ZNF860: variants seen among roughly 807,000 people sequenced by gnomAD.
ZNF860 encodes the protein zinc finger protein 860.
For synonymous variants in ZNF860, 206 were observed against 248.9 expected, an observed-to-expected ratio of 0.83 and a Z score of 1.62; for missense variants, 641 against 759.2, an observed-to-expected ratio of 0.84 and a Z score of 1.83.
intron 1 of ZNF860, among the ~76,000 whole-genome samples, chr3:31,986,969 T>C (rs1698942284): frequency 6.6e-6 from 1 of 152,190 alleles, no homozygotes; most frequent in East Asian, 1.9e-4. Context: ...ATTGTGCCAC[T>C]GTACTCCAGC....
rs1330505069 is a variant in ZNF860 at position 31,981,938 on chromosome 3, T to G, written c.-421+36T>G. The G allele has an allele frequency of 6.6e-6, 1 of 152,338 alleles. No homozygotes were observed. Among genetic ancestry groups the G allele is most frequent in the South Asian group, 2.1e-4 (1 of 4,824 alleles). 9.4% of individuals were successfully genotyped at this position (152,338 alleles called of 1,614,324 possible). A position where few individuals can be genotyped will look rare whatever the true frequency, so the allele number is the denominator to read the frequency against. ...CGGGCATTTTCATGCAGCAGGATTA[T>G]GATAAATGCTTAACAGACACACGGC... On this transcript the variant is annotated intron_variant, in intron 1 of 1. Coordinates refer to ENST00000360311, the MANE Select transcript of ZNF860 (RefSeq NM_001137674.3). The surrounding 1 kb of genome is among the most constrained non-coding windows in gnomAD (Gnocchi z 4.5).
intron 1 of ZNF860, among the ~76,000 whole-genome samples, 169 bp from the exon 2 acceptor site, chr3:31,988,491 C>T (rs911058008): frequency 2.6e-5 from 4 of 152,150 alleles, no homozygotes; most frequent in Non-Finnish European, 5.9e-5. Context: ...AACTTAATTC[C>T]TCCCCTCTTG....
intron 1 of ZNF860, among the ~76,000 whole-genome samples, chr3:31,988,447 G>A (rs1430476379): frequency 6.6e-6 from 1 of 152,190 alleles, no homozygotes; most frequent in Non-Finnish European, 1.5e-5. Flanking sequence ...TGATTTCAAA[G>A]CTATGCCTAT....
intron 1 of ZNF860, among the ~76,000 whole-genome samples, chr3:31,988,322 C>T (rs1698965391): frequency 6.6e-6 from 1 of 152,100 alleles, no homozygotes; most frequent in African/African-American, 2.4e-5. Context: ...AGATTGTGGA[C>T]TTGAAGCTAG....
downstream of ZNF860, among the ~76,000 whole-genome samples, chr3:31,992,880 G>A (rs1263230252): frequency 6.6e-6 from 1 of 152,180 alleles, no homozygotes; most frequent in Admixed American, 6.5e-5. Flanking sequence ...GCACATGCCT[G>A]TAGTCCTAGT....
At chr3:31,984,654 A>AT (rs1428294059) in intron 1 of ZNF860, among the ~76,000 whole-genome samples, 1 of 152,220 alleles carries the variant, frequency 6.6e-6, no homozygotes, top group Non-Finnish European at 1.5e-5. Context: ...GCAGATTATC[A>AT]TTTAACTATG....
In ZNF860 at chr3:31,989,210, C is replaced by G. The variant is rs373931545; in HGVS notation, c.131C>G (p.Thr44Arg). The change falls in exon 2 of 2, where the codon ACG becomes AGG. Residue 44 changes from threonine to arginine, a missense_variant. By Grantham distance (71) the Thr-to-Arg change is moderately conservative. Transcript: ENST00000360311. Reference sequence around the variant, plus strand: ...GAGGAGTGGAAATGCCTGGACCCTACGCAGAGGGCTTTATACAGGGCCATG... The same window carrying G: ...GAGGAGTGGAAATGCCTGGACCCTAGGCAGAGGGCTTTATACAGGGCCATG... Reference protein sequence around the residue: ...SLEEWKCLDPTQRALYRAMML... With the variant: ...SLEEWKCLDPRQRALYRAMML... 31 of 1,614,122 alleles carry G rather than the reference C, an allele frequency of 1.9e-5. No individual in the cohort carries two copies. The Middle Eastern group carries it at 9.9e-4, about 52-fold the overall frequency.
the ZNF860 span, among the ~76,000 whole-genome samples, chr3:31,998,044 C>T: frequency 3.3e-5 from 5 of 152,116 alleles, no homozygotes; most frequent in Non-Finnish European, 5.9e-5. Context: ...CCTCCCGCCT[C>T]GGCCTCCTGA....
Position 31,988,745 on chromosome 3 carries a change from G to C in ZNF860, c.-335G>C. ...AGGCAGGAGGCATGAAGGTGTGCCA[G>C]CCACTGTGTCAGTCACCTTATAAGC... On this transcript the variant is annotated 5_prime_UTR_variant, in exon 2 of 2. Transcript: ENST00000360311. The C allele has an allele frequency of 3.2e-6, 1 of 315,206 alleles. No homozygotes were observed. The allele number at this position is 315,206 out of a possible 1,614,324, so 19.5% of individuals were successfully genotyped here.
At chr3:31,982,392 A>G (rs1405521239) in intron 1 of ZNF860, among the ~76,000 whole-genome samples, 1 of 152,210 alleles carries the variant, frequency 6.6e-6, no homozygotes, top group Non-Finnish European at 1.5e-5. Context: ...AAGGTGATAG[A>G]TGATAGGTGA....
intron 1 of ZNF860, among the ~76,000 whole-genome samples, chr3:31,984,197 G>C (rs1698901670): frequency 6.6e-6 from 1 of 151,998 alleles, no homozygotes; most frequent in Admixed American, 6.6e-5. Context: ...CTGCCACCAT[G>C]CCCAGCTAAT....
chr3:31,997,124 T>C, the ZNF860 span, among the ~76,000 whole-genome samples: 1 of 152,220 alleles, frequency 6.6e-6, no homozygotes, highest in Non-Finnish European at 1.5e-5. Flanking sequence ...CATTATGCAG[T>C]AAATTATTTC....
chr3:31,989,805 C>A lies in ZNF860; in HGVS notation c.726C>A (p.Ser242Arg). 1.2e-6 allele frequency: 2 copies of A among 1,613,982 alleles called. No homozygotes were observed. The highest frequency in any genetic ancestry group is 1.7e-6 in the Non-Finnish European group (2 of 1,179,970). ...AGAGTGGCAAAGCCTTTAATTGTAG[C>A]TCACTCTTAAGGAAACATCAGATAA... ...CNESGKAFNC[S>R]SLLRKHQIIY... Residue 242 changes from serine (S) to arginine (R), a missense_variant, in exon 2 of 2, where the codon AGC (serine) becomes AGA (arginine). Coordinates refer to ENST00000360311, the MANE Select transcript of ZNF860 (RefSeq NM_001137674.3).
chr3:32,006,307 G>T, the ZNF860 span, among the ~76,000 whole-genome samples: 1 of 152,034 alleles, frequency 6.6e-6, no homozygotes, highest in Admixed American at 6.6e-5. Context: ...ATTTCCCCTT[G>T]AATACACTTT....
downstream of ZNF860, among the ~76,000 whole-genome samples, chr3:31,994,953 C>A (rs1344284141): frequency 5.3e-5 from 8 of 152,042 alleles, no homozygotes; most frequent in Non-Finnish European, 1.0e-4. Context: ...ATTGGTAGGA[C>A]CATGATGCCC....
In ZNF860 at chr3:31,988,820, T is replaced by C. The variant is rs1212370806; in HGVS notation, c.-260T>C. 9 of 524,828 alleles carry C rather than the reference T, an allele frequency of 1.7e-5. No individual in the cohort carries two copies. Among genetic ancestry groups the C allele is most frequent in the East Asian group, 3.2e-5 (1 of 31,574 alleles). 32.5% of individuals were successfully genotyped at this position (524,828 alleles called of 1,614,324 possible). On this transcript the variant is annotated 5_prime_UTR_variant, in exon 2 of 2. Coordinates refer to ENST00000360311, the MANE Select transcript of ZNF860 (RefSeq NM_001137674.3). ...CCATGTGAGTGACCTTGGAAGTAGG[T>C]TGTCACCAGTCAAGCCTTGAGATGA...
chr3:32,006,411 G>C, the ZNF860 span, among the ~76,000 whole-genome samples: 1 of 152,060 alleles, frequency 6.6e-6, no homozygotes, highest in Non-Finnish European at 1.5e-5. Context: ...TGTCATCTTT[G>C]TCTACTATAT....
chr3:31,993,498 G>A (rs571283277), downstream of ZNF860, among the ~76,000 whole-genome samples: 7 of 152,166 alleles, frequency 4.6e-5, no homozygotes, highest in South Asian at 4.2e-4. Flanking sequence ...ATGAGCCACC[G>A]CGCCCAGACA....
In ZNF860 at chr3:31,988,923, C is replaced by A; in HGVS notation, c.-157C>A. Reference sequence around the variant, plus strand: ...AACACCCAGCTGAAGTGCCTCCAAACCCCGACCCACAGCGACTGTGAGATA... The same window carrying A: ...AACACCCAGCTGAAGTGCCTCCAAAACCCGACCCACAGCGACTGTGAGATA... On this transcript the variant is annotated 5_prime_UTR_variant, in exon 2 of 2. Transcript: ENST00000360311. The A allele has an allele frequency of 2.0e-6, 2 of 991,240 alleles. No homozygotes were observed. The highest frequency in any genetic ancestry group is 2.9e-6 in the Non-Finnish European group (2 of 681,680). 61.4% of individuals were successfully genotyped at this position (991,240 alleles called of 1,614,324 possible).
Sources: allele counts gnomAD v4.1 joint callset (sites outside exome capture counted in the v4.1 genomes callset), GRCh38; gene constraint gnomAD v4.1.1; non-coding constraint Gnocchi (gnomAD v3.1); transcripts MANE v1.5; gene names NCBI Gene and HGNC (gene_info 2026-07-23, HGNC 2026-07-21).